The following HIPK3 variants were observed in gnomAD, a reference collection of about 807,000 sequenced individuals.
HIPK3 encodes homeodomain interacting protein kinase 3.
A neutral mutation model predicts 124.2 loss-of-function variants in HIPK3; 47 were observed. That is an observed-to-expected ratio of 0.38 (90% CI 0.30 to 0.48). The LOEUF is 0.48. Ranked by LOEUF, HIPK3 falls within the 20% of genes least tolerant of loss-of-function variation. The probability of loss-of-function intolerance (pLI) is 0.98; values close to 1 mark genes in which losing one functional copy is unlikely to be tolerated. For missense variants in HIPK3, 1,286 were observed against 1,454.3 expected (o/e 0.88, Z 1.88); for synonymous variants, 482 against 515.2 (o/e 0.94, Z 0.87).
chr11:33,321,774 A>G (rs1852669435), intron 2 of HIPK3, among the ~76,000 whole-genome samples: 1 of 152,214 alleles, frequency 6.6e-6, no homozygotes, highest in South Asian at 2.1e-4. Flanking sequence ...AGTCCTTTAG[A>G]TAATCTTCTG....
rs543475938 is a variant in HIPK3 at position 33,334,790 on chromosome 11, T to C, written c.1222-2285T>C. Among the ~76,000 whole-genome samples the C allele has an allele frequency of 3.9e-5, 6 of 152,290 alleles. No individual in the cohort carries two copies. In the South Asian group the frequency reaches 1.2e-3, roughly 32 times the overall value. On this transcript the variant is annotated intron_variant, in intron 3 of 16. Transcript: ENST00000303296. ...GGCAGTAAAGGGTTATTAAGTAATT[T>C]TACACAAGTGACTAACAGATGCACA...
At chr11:33,274,716 AT>A (rs565183352) in intron 1 of HIPK3, among the ~76,000 whole-genome samples, 5 of 152,074 alleles carry the variant, frequency 3.3e-5, no homozygotes, top group Non-Finnish European at 7.4e-5. Context: ...TCCTTGTGTA[AT>A]TTTTTTGAAT....
intron 2 of HIPK3, among the ~76,000 whole-genome samples, chr11:33,298,266 A>G (rs1482595872): frequency 2.0e-5 from 3 of 152,170 alleles, no homozygotes; most frequent in African/African-American, 7.2e-5. Context: ...ATATCTATTT[A>G]CAGCATGGTT....
chr11:33,281,771 G>A (rs1411841026), intron 1 of HIPK3, among the ~76,000 whole-genome samples: 1 of 151,970 alleles, frequency 6.6e-6, no homozygotes, highest in Non-Finnish European at 1.5e-5. Context: ...TCAGAATCAG[G>A]TGAATAGCAA....
intron 1 of HIPK3, among the ~76,000 whole-genome samples, chr11:33,274,724 G>A (rs887024386): frequency 1.3e-5 from 2 of 151,892 alleles, no homozygotes; most frequent in Non-Finnish European, 2.9e-5. Flanking sequence ...TAATTTTTTT[G>A]AATTAATTAG....
chr11:33,337,127 TG>T lies in HIPK3; in HGVS notation c.1277del (p.Gly426ValfsTer21). The T allele has an allele frequency of 6.3e-7, 1 of 1,595,720 alleles. No homozygotes were observed. Among genetic ancestry groups the T allele is most frequent in the Non-Finnish European group, 8.6e-7 (1 of 1,164,468 alleles). ...TTGCCAGGAGAACAGTTGTTAAATGTGGGTACTAAATCCACAAGATTTTTTT... is the reference window on the plus strand; with the variant it reads ...TTGCCAGGAGAACAGTTGTTAAATGTGGTACTAAATCCACAAGATTTTTTT... ...QGLPGEQLLN[V>X]GTKSTRFFCK... On this transcript the variant is annotated frameshift_variant, in exon 4 of 17. Transcript: ENST00000303296. LOFTEE classifies it high-confidence loss of function.
intron 2 of HIPK3, among the ~76,000 whole-genome samples, chr11:33,324,957 G>T (rs1852768153): frequency 6.6e-6 from 1 of 152,210 alleles, no homozygotes; most frequent in African/African-American, 2.4e-5. Context: ...CTGAACTAAT[G>T]CAATAATAGA....
chr11:33,273,639 T>C (rs1851198889), intron 1 of HIPK3, among the ~76,000 whole-genome samples: 1 of 151,810 alleles, frequency 6.6e-6, no homozygotes, highest in Non-Finnish European at 1.5e-5. Context: ...AACATAATTG[T>C]AGAAATTAAA....
intron 2 of HIPK3, among the ~76,000 whole-genome samples, chr11:33,290,325 T>C (rs993496925): frequency 2.0e-5 from 3 of 152,202 alleles, no homozygotes; most frequent in African/African-American, 7.2e-5. Context: ...GCAAAAGATT[T>C]TTTTTTCAAT....
Position 33,287,337 on chromosome 11 carries a change from C to T in HIPK3, c.923C>T (p.Thr308Ile). Residue 308 changes from threonine to isoleucine, a missense_variant, in exon 2 of 17, where the codon ACT (threonine) becomes ATT (isoleucine). Around this residue, in one of 3 missense-constraint regions of HIPK3, gnomAD observed 251 missense variants for 349.1 expected, o/e 0.72. Transcript: ENST00000303296. ...VIRPILQQVATALKKLKSLGL... is the reference protein window; with the variant it reads ...VIRPILQQVAIALKKLKSLGL... ...CGGCCCATTCTTCAACAAGTGGCCACTGCACTGAAAAAATTGAAAAGTCTT... is the reference window on the plus strand; with the variant it reads ...CGGCCCATTCTTCAACAAGTGGCCATTGCACTGAAAAAATTGAAAAGTCTT... The T allele has an allele frequency of 6.2e-7, 1 of 1,614,130 alleles. No individual in the cohort carries two copies. The highest frequency in any genetic ancestry group is 1.1e-5 in the South Asian group (1 of 91,086).
At chr11:33,304,818 A>C (rs1852108545) in intron 2 of HIPK3, among the ~76,000 whole-genome samples, 1 of 152,160 alleles carries the variant, frequency 6.6e-6, no homozygotes, top group South Asian at 2.1e-4. Flanking sequence ...TTGTTAGGTC[A>C]AAGCATATGT....
intron 3 of HIPK3, among the ~76,000 whole-genome samples, chr11:33,334,047 G>A (rs1484891934): frequency 6.6e-6 from 1 of 152,124 alleles, no homozygotes; most frequent in African/African-American, 2.4e-5. Context: ...TGGGGAGAAA[G>A]AACAGCACTT....
At chr11:33,285,718 CA>C (rs1312710774) in intron 1 of HIPK3, among the ~76,000 whole-genome samples, 1 of 151,950 alleles carries the variant, frequency 6.6e-6, no homozygotes, top group Non-Finnish European at 1.5e-5. Flanking sequence ...TTGGTTCATA[CA>C]TTTGAATTTG....
At chr11:33,274,221 C>T (rs1851212894) in intron 1 of HIPK3, among the ~76,000 whole-genome samples, 1 of 152,050 alleles carries the variant, frequency 6.6e-6, no homozygotes, top group South Asian at 2.1e-4. Context: ...TTCCAGTTTA[C>T]CTGTTGAGTT....
In HIPK3 at chr11:33,351,968, A is replaced by G. The variant is rs1034652198; in HGVS notation, c.3043+125A>G. 3.0e-6 allele frequency: 3 copies of G among 997,890 alleles called. No individual in the cohort carries two copies. The African/African-American group carries it at 4.9e-5, about 16-fold the overall frequency. 61.8% of individuals were successfully genotyped at this position (997,890 alleles called of 1,614,324 possible). ...CTTGACCCTGCCTTATGTATTGTAC[A>G]GAGGAAATCTTCTAGTATTATCCAG... On this transcript the variant is annotated intron_variant, in intron 15 of 16. Transcript: ENST00000303296.
intron 1 of HIPK3, among the ~76,000 whole-genome samples, chr11:33,272,796 TCCTTCCTTCCCTCCCTCCCTC>T: frequency 2.0e-3 from 1 of 504 alleles, no homozygotes; most frequent in Non-Finnish European, 4.8e-3. Flanking sequence ...CCTCCCTCCT[TCCTTCCTTCCCTCCCTCCCTC>T]CCTCTTTCTT....
chr11:33,308,742 C>CTT (rs35729613), intron 2 of HIPK3, among the ~76,000 whole-genome samples: 5,052 of 139,686 alleles, frequency 0.036, 126 homozygotes, highest in African/African-American at 0.061. Flanking sequence ...TTTCTTTTAA[C>CTT]TTTTTTTTTT....
chr11:33,323,508 G>A (rs1852725517), intron 2 of HIPK3, among the ~76,000 whole-genome samples: 1 of 152,160 alleles, frequency 6.6e-6, no homozygotes, highest in Non-Finnish European at 1.5e-5. Flanking sequence ...CTCCAAAAGT[G>A]CTGGGATTAC....
intron 2 of HIPK3, among the ~76,000 whole-genome samples, chr11:33,312,946 G>T (rs978184927): frequency 6.6e-6 from 1 of 152,104 alleles, no homozygotes; most frequent in Non-Finnish European, 1.5e-5. Context: ...TGCCAGAGTT[G>T]GGATTTGAAT....
Sources: allele counts gnomAD v4.1 joint callset (sites outside exome capture counted in the v4.1 genomes callset), GRCh38; gene constraint gnomAD v4.1.1; regional missense constraint gnomAD v4.1.1; transcripts MANE v1.5; gene names NCBI Gene and HGNC (gene_info 2026-07-23, HGNC 2026-07-21).